The following CDR2L variants were observed in gnomAD, a reference collection of about 807,000 sequenced individuals.
CDR2L encodes cerebellar degeneration-related protein 2-like.
CDR2L carries 19 observed loss-of-function variants against 36.1 expected under a neutral mutation model. That is an observed-to-expected ratio of 0.53 (90% confidence interval 0.37 to 0.77). CDR2L has a LOEUF of 0.77. CDR2L is among the 30% of genes least tolerant of loss of function. The pLI is 0.00. For missense variants in CDR2L, 575 were observed against 627.2 expected (o/e 0.92, Z 0.89); for synonymous variants, 285 against 280.4 (o/e 1.02, Z -0.16).
rs2144854528 is a variant in CDR2L at position 74,989,570 on chromosome 17, C to T, written c.79+1448C>T. ...GCTAGGAATAGTCACAGCCCTGACC[C>T]TGAAGGTATACCCTGGCAGGTGAAG... On this transcript the variant is annotated intron_variant, in intron 1 of 4. Transcript: ENST00000337231. The surrounding 1 kb of genome is among the most constrained non-coding windows in gnomAD (Gnocchi z 4.2). Among the ~76,000 whole-genome samples, 1 of 152,278 alleles carries T rather than the reference C, an allele frequency of 6.6e-6. No homozygotes were observed. The highest frequency in any genetic ancestry group is 2.1e-4 in the South Asian group (1 of 4,832).
rs1318436606 is a variant in CDR2L at position 74,998,475 on chromosome 17, A to G, written c.80-1029A>G. Reference sequence around the variant, plus strand: ...TCAAGGCTGCAGCACATATGATCACACCTGTGAATACTCACTGCACCCCAG... The same window carrying G: ...TCAAGGCTGCAGCACATATGATCACGCCTGTGAATACTCACTGCACCCCAG... On this transcript the variant is annotated intron_variant, in intron 1 of 4. Transcript: ENST00000337231. Among the ~76,000 whole-genome samples the G allele has an allele frequency of 3.3e-5, 5 of 151,704 alleles. No homozygotes were observed. The East Asian group carries it at 9.7e-4, about 29-fold the overall frequency.
At chr17:75,002,000 C>A in intron 3 of CDR2L, 64 bp from the exon 4 acceptor site, 1 of 1,388,394 alleles carries the variant, frequency 7.2e-7, no homozygotes, top group Non-Finnish European at 9.5e-7. Context: ...GGAGCCAGGG[C>A]TGCCGTGAGG....
intron 3 of CDR2L, 41 bp downstream of exon 3, chr17:75,001,530 G>A (rs1305478891): frequency 6.8e-7 from 1 of 1,473,172 alleles, no homozygotes; most frequent in Admixed American, 2.6e-5. Flanking sequence ...GCGAGGGAGA[G>A]CCCCAGGGCT....
intron 2 of CDR2L, 54 bp downstream of exon 2, chr17:74,999,670 T>G (rs1183746435): frequency 2.3e-5 from 25 of 1,064,982 alleles, no homozygotes; most frequent in Non-Finnish European, 1.9e-5. Flanking sequence ...TTGGCCTGTG[T>G]GTGCCTTTAT....
Position 74,989,607 on chromosome 17 carries a change from G to A in CDR2L, c.79+1485G>A, listed in dbSNP as rs1459748188. Reference sequence around the variant, plus strand: ...CCTGGCAGGTGAAGGAGGCAGGCTTGTAACTAAGTGTAGGTGGCACAGTAT... The same window carrying A: ...CCTGGCAGGTGAAGGAGGCAGGCTTATAACTAAGTGTAGGTGGCACAGTAT... On this transcript the variant is annotated intron_variant, in intron 1 of 4. Transcript: ENST00000337231. This position sits in a 1 kb window ranked among gnomAD's most constrained non-coding sequence, Gnocchi z 4.2. Among the ~76,000 whole-genome samples the A allele has an allele frequency of 6.6e-6, 1 of 152,066 alleles. No homozygotes were observed. The highest frequency in any genetic ancestry group is 1.5e-5 in the Non-Finnish European group (1 of 68,010).
Position 75,003,212 on chromosome 17 carries a change from C to T in CDR2L, c.536C>T (p.Ser179Phe). 1 of 1,566,748 alleles carries T rather than the reference C, an allele frequency of 6.4e-7. No homozygotes were observed. Among genetic ancestry groups the T allele is most frequent in the Non-Finnish European group, 8.6e-7 (1 of 1,156,850 alleles). Residue 179 changes from serine (S) to phenylalanine (F), a missense_variant, in exon 5 of 5, where the codon TCC (serine) becomes TTC (phenylalanine). Ser to Phe is a radical substitution (Grantham distance 155). Coordinates refer to ENST00000337231, the MANE Select transcript of CDR2L (RefSeq NM_014603.3). ...RCKDAFRLHSSSLELGPRPLE... is the reference protein window; with the variant it reads ...RCKDAFRLHSFSLELGPRPLE... The stretch of plus-strand genomic sequence containing the variant: ...AAGGATGCTTTCCGCCTACACAGTT[C>T]CTCCCTGGAGCTGGGCCCGCGGCCC...
At chr17:74,988,622 C>T (rs1167365672) in intron 1 of CDR2L, among the ~76,000 whole-genome samples, 1 of 152,200 alleles carries the variant, frequency 6.6e-6, no homozygotes, top group African/African-American at 2.4e-5. Flanking sequence ...AACTCGCTTC[C>T]TACTCAGGGA....
rs3744204 is a variant in CDR2L at position 75,003,678 on chromosome 17, C to G, written c.1002C>G (p.His334Gln). ...TGGCCAAAGACCCAGCCAGCCGGCA[C>G]GCGGGCAACCTCACACTGCACGCCA... ...AIVAKDPASR[H>Q]AGNLTLHANS... The change falls in exon 5 of 5, where the codon CAC becomes CAG. Residue 334 changes from histidine (H) to glutamine (Q), a missense_variant. By Grantham distance (24) the His-to-Gln change is conservative. Transcript: ENST00000337231. 1.4e-6 allele frequency: 2 copies of G among 1,458,412 alleles called. No individual in the cohort carries two copies. The highest frequency in any genetic ancestry group is 1.8e-6 in the Non-Finnish European group (2 of 1,104,450). 90.3% of individuals were successfully genotyped at this position (1,458,412 alleles called of 1,614,324 possible). A position where few individuals can be genotyped will look rare whatever the true frequency, so the allele number is the denominator to read the frequency against.
In CDR2L at chr17:74,999,632, G is replaced by A. The variant is rs1049415905; in HGVS notation, c.192+16G>A. 2.7e-6 allele frequency: 4 copies of A among 1,476,854 alleles called. No individual in the cohort carries two copies. Among genetic ancestry groups the A allele is most frequent in the Non-Finnish European group, 2.8e-6 (3 of 1,080,938 alleles). 91.5% of individuals were successfully genotyped at this position (1,476,854 alleles called of 1,614,324 possible). On this transcript the variant is annotated intron_variant, in intron 2 of 4. Transcript: ENST00000337231. The stretch of plus-strand genomic sequence containing the variant: ...GGAGATCGAGGTGAGGGCCCTGCAT[G>A]TGCTTGCCCACACCCCTCGAGGGCC...
At chr17:74,995,201 C>T (rs137968303) in intron 1 of CDR2L, among the ~76,000 whole-genome samples, 1 of 151,340 alleles carries the variant, frequency 6.6e-6, no homozygotes, top group African/African-American at 2.4e-5. Flanking sequence ...TGTGCCCAGT[C>T]TACACTTTCT....
At position 75,003,639 on chromosome 17, in the gene CDR2L, G is replaced by C; in HGVS notation, c.963G>C (p.Ala321=). 3 of 1,463,678 alleles carry C rather than the reference G, an allele frequency of 2.0e-6. No individual in the cohort carries two copies. Among genetic ancestry groups the C allele is most frequent in the African/African-American group, 2.8e-5 (2 of 70,404 alleles). 90.7% of individuals were successfully genotyped at this position (1,463,678 alleles called of 1,614,324 possible). The change falls in exon 5 of 5, where the codon GCG becomes GCC. Residue 321 remains alanine, a synonymous_variant. Transcript: ENST00000337231. ...HVVRKSCSDT[A]LNAIVAKDPA... Reference sequence around the variant, plus strand: ...TGCGCAAGAGCTGCAGCGACACTGCGCTCAACGCCATCGTGGCCAAAGACC... The same window carrying C: ...TGCGCAAGAGCTGCAGCGACACTGCCCTCAACGCCATCGTGGCCAAAGACC...
At chr17:74,999,326 A>ACACAC (rs60772273) in intron 1 of CDR2L, among the ~76,000 whole-genome samples, 178 bp from the exon 2 acceptor site, 2 of 133,504 alleles carry the variant, frequency 1.5e-5, no homozygotes, top group Admixed American at 7.8e-5. Context: ...AGACACACAC[A>ACACAC]AAAAGAACAT....
At chr17:74,999,643 C>A in intron 2 of CDR2L, 27 bp downstream of exon 2, 1 of 1,426,454 alleles carries the variant, frequency 7.0e-7, no homozygotes, top group South Asian at 1.3e-5. Context: ...TGCTTGCCCA[C>A]ACCCCTCGAG....
At chr17:74,988,221 C>A in intron 1 of CDR2L, 99 bp downstream of exon 1, 1 of 864,820 alleles carries the variant, frequency 1.2e-6, no homozygotes, top group Non-Finnish European at 1.7e-6. Context: ...AGGGGCTGGG[C>A]TGGACCGGGC....
intron 1 of CDR2L, among the ~76,000 whole-genome samples, chr17:74,990,308 A>G (rs982897153): frequency 6.6e-6 from 1 of 152,286 alleles, no homozygotes; most frequent in African/African-American, 2.4e-5. Flanking sequence ...GGCAGCTCCA[A>G]TGGTAGCCAA....
intron 1 of CDR2L, among the ~76,000 whole-genome samples, chr17:74,997,067 TCTTTCTTTCTTTC>T (rs748241113): frequency 0.13 from 5,603 of 43,678 alleles, 390 homozygotes; most frequent in South Asian, 0.19. Flanking sequence ...TTTCTTTCTT[TCTTTCTTTCTTTC>T]TTTCTTTTTT....
At chr17:74,994,052 C>T (rs1296198555) in intron 1 of CDR2L, among the ~76,000 whole-genome samples, 1 of 152,212 alleles carries the variant, frequency 6.6e-6, no homozygotes, top group African/African-American at 2.4e-5. Flanking sequence ...AGAGTCACTG[C>T]TTGCCTGGGC....
At position 74,999,584 on chromosome 17, in the gene CDR2L, T is replaced by G. The variant is rs560048033; in HGVS notation, c.160T>G (p.Ser54Ala). Residue 54 changes from serine to alanine, a missense_variant, in exon 2 of 5, where the codon TCC (serine) becomes GCC (alanine). Transcript: ENST00000337231. ...ELEGSLQQMYSTNEEQVQEIE... is the reference protein window; with the variant it reads ...ELEGSLQQMYATNEEQVQEIE... The stretch of plus-strand genomic sequence containing the variant: ...GGAGGGGTCCCTGCAGCAGATGTAC[T>G]CCACCAATGAGGAACAGGTGCAGGA... 3.2e-5 allele frequency: 50 copies of G among 1,583,986 alleles called. No homozygotes were observed. Among genetic ancestry groups the G allele is most frequent in the Middle Eastern group, 1.7e-4 (1 of 6,052 alleles).
At chr17:75,000,538 TCTGC>T (rs1458740519) in intron 2 of CDR2L, among the ~76,000 whole-genome samples, 3 of 141,908 alleles carry the variant, frequency 2.1e-5, no homozygotes, top group Non-Finnish European at 4.6e-5. Flanking sequence ...GACCTCGTGA[TCTGC>T]CCGCCTCAGC....
Sources: gnomAD v4.1 joint callset for allele counts (sites outside exome capture counted in the v4.1 genomes callset) on GRCh38, gnomAD v4.1.1 for gene constraint, Gnocchi (gnomAD v3.1) non-coding constraint, MANE v1.5 for transcripts, NCBI Gene and HGNC (gene_info 2026-07-23, HGNC 2026-07-21) for gene names.